The following FKBP5 variants were observed in gnomAD, a reference collection of about 807,000 sequenced individuals.
FKBP5 encodes the protein peptidyl-prolyl cis-trans isomerase FKBP5.
A neutral mutation model predicts 50.5 loss-of-function variants in FKBP5; 23 were observed. The observed-to-expected ratio is 0.46, with a 90% CI of 0.33 to 0.65. FKBP5 has a LOEUF of 0.65. Among genes scored for constraint, FKBP5 ranks in the 30% least tolerant of loss-of-function variants. The pLI is 0.02. For synonymous variants in FKBP5, 176 were observed against 190.6 expected (o/e 0.92, Z 0.63); for missense variants, 411 against 553.1 (o/e 0.74, Z 2.58).
rs185661038 is a variant in FKBP5, at chr6:35,650,036, T to C, written c.-19-7193A>G. On this transcript the variant is annotated intron_variant, in intron 1 of 10. Transcript: ENST00000357266. ...AAACAAAAACATCCAAACAACTAAA[T>C]TGGGAAACTATTTTGTAAATGTTCA... 5.3e-5 allele frequency among the ~76,000 whole-genome samples: 8 copies of C among 152,258 alleles called. No homozygotes were observed. In the East Asian group the frequency reaches 1.5e-3, roughly 29 times the overall value.
intron 3 of FKBP5, among the ~76,000 whole-genome samples, chr6:35,622,623 G>T (rs932933069): frequency 5.3e-5 from 8 of 152,116 alleles, no homozygotes; most frequent in Admixed American, 1.3e-4. Context: ...TAACTGTTAC[G>T]TTTCTTTGGT....
chr6:35,693,266 C>T (rs921309406), upstream of FKBP5, among the ~76,000 whole-genome samples: 2 of 146,966 alleles, frequency 1.4e-5, no homozygotes, highest in African/African-American at 5.0e-5. Context: ...AGGTTCACAC[C>T]ATTCTCCTGC....
chr6:35,580,963 TC>T (rs1762410674), intron 8 of FKBP5: 3 of 985,358 alleles, frequency 3.0e-6, no homozygotes, highest in Non-Finnish European at 3.6e-6. Flanking sequence ...AAGTGCTAGT[TC>T]CAAACACAGC....
intron 1 of FKBP5, among the ~76,000 whole-genome samples, chr6:35,650,264 G>A (rs1390831170): frequency 1.4e-5 from 2 of 143,086 alleles, no homozygotes; most frequent in African/African-American, 5.2e-5. Flanking sequence ...TTGCACCACT[G>A]CACTGCAGCC....
At chr6:35,596,801 CT>C (rs924573780) in intron 6 of FKBP5, among the ~76,000 whole-genome samples, 3 of 151,202 alleles carry the variant, frequency 2.0e-5, no homozygotes, top group African/African-American at 4.9e-5. Flanking sequence ...GAAGAATGTG[CT>C]TTTTTTTTCA....
intron 5 of FKBP5, among the ~76,000 whole-genome samples, chr6:35,601,022 A>G (rs1000646226): frequency 6.6e-6 from 1 of 152,258 alleles, no homozygotes; most frequent in Non-Finnish European, 1.5e-5. Context: ...TAAGAAAGCA[A>G]AACATTCATT....
intron 2 of FKBP5, among the ~76,000 whole-genome samples, chr6:35,707,570 CA>C (rs1165952460): frequency 6.6e-6 from 1 of 151,968 alleles, no homozygotes; most frequent in Non-Finnish European, 1.5e-5. Flanking sequence ...ATTTTAGGTT[CA>C]GGGGTACATG....
intron 2 of FKBP5, among the ~76,000 whole-genome samples, chr6:35,641,059 G>A (rs1764472388): frequency 6.6e-6 from 1 of 152,160 alleles, no homozygotes; most frequent in South Asian, 2.1e-4. Context: ...GTTCACTGCA[G>A]CTTGGAACTC....
intron 3 of FKBP5, among the ~76,000 whole-genome samples, chr6:35,629,801 C>CGGG (rs1764099797): frequency 6.6e-6 from 1 of 152,168 alleles, no homozygotes; most frequent in South Asian, 2.1e-4. Context: ...GGAAGCATTC[C>CGGG]TCCTCTATCG....
chr6:35,727,867 C>T (rs529646604), intron 1 of FKBP5, among the ~76,000 whole-genome samples: 114 of 152,310 alleles, frequency 7.5e-4, no homozygotes, highest in African/African-American at 2.3e-3. Context: ...CCAGGCGCCA[C>T]CCAAGCCTGG....
In FKBP5 at chr6:35,573,860, A is replaced by C. The variant is rs966077954; in HGVS notation, c.*1975T>G. The C allele has an allele frequency of 2.6e-5, 4 of 152,110 alleles. No homozygotes were observed. Among genetic ancestry groups the C allele is most frequent in the African/African-American group, 9.7e-5 (4 of 41,406 alleles). The allele number at this position is 152,110 out of a possible 1,614,324, so 9.4% of individuals were successfully genotyped here. On this transcript the variant is annotated 3_prime_UTR_variant, in exon 11 of 11. Transcript: ENST00000357266. ...CCACTCACACACCCTTCCCCTCCCC[A>C]CACACACTTTTGCCAGTTCCCCCTG...
intron 2 of FKBP5, among the ~76,000 whole-genome samples, chr6:35,705,213 AATATATATATATATATATATATATATAT>A: frequency 1.4e-5 from 1 of 71,384 alleles, no homozygotes; most frequent in Non-Finnish European, 2.6e-5. Context: ...TATATGTACA[AATATATATATATATATATATATATATAT>A]ATATATATAT....
intron 2 of FKBP5, among the ~76,000 whole-genome samples, chr6:35,709,458 A>C (rs1766378507): frequency 2.0e-5 from 3 of 152,244 alleles, no homozygotes; most frequent in African/African-American, 7.2e-5. Context: ...CTATGTTCGC[A>C]TATGGGCAAC....
intron 1 of FKBP5, among the ~76,000 whole-genome samples, chr6:35,683,012 G>A (rs978468395): frequency 6.6e-6 from 1 of 151,032 alleles, no homozygotes; most frequent in Admixed American, 6.6e-5. Context: ...GTATGTGTCT[G>A]TGTGTATATA....
upstream of FKBP5, among the ~76,000 whole-genome samples, chr6:35,691,892 G>A (rs550109803): frequency 8.8e-4 from 134 of 152,240 alleles, no homozygotes; most frequent in Middle Eastern, 3.4e-3. Context: ...ACACAGGGCC[G>A]TGTACTTAGA....
intron 3 of FKBP5, among the ~76,000 whole-genome samples, chr6:35,625,206 C>T (rs1180407240): frequency 6.6e-6 from 1 of 152,094 alleles, no homozygotes; most frequent in Non-Finnish European, 1.5e-5. Flanking sequence ...GCCTCAGACT[C>T]CCAAGTAGCT....
chr6:35,619,198 C>A lies in FKBP5; in HGVS notation c.406G>T (p.Asp136Tyr). ...TCAAATAAATCCTCTCCTTTGAAAT[C>A]AAGGAGCTCAATCTAGAAAGAAAAA... Reference protein sequence around the residue: ...ATLFFEIELLDFKGEDLFEDG... With the variant: ...ATLFFEIELLYFKGEDLFEDG... The change falls in exon 5 of 11, where the codon GAT becomes TAT. Residue 136 changes from aspartate (D) to tyrosine (Y), a missense_variant. By Grantham distance (160) the Asp-to-Tyr change is radical. This residue lies in a region of FKBP5 where 267 missense variants were observed against 405.9 expected (regional missense o/e 0.66). Coordinates refer to ENST00000357266, the MANE Select transcript of FKBP5 (RefSeq NM_004117.4). 6.2e-7 allele frequency: 1 copy of A among 1,609,624 alleles called. No homozygotes were observed.
At chr6:35,628,337 A>G (rs1483033780) in intron 3 of FKBP5, among the ~76,000 whole-genome samples, 1 of 152,190 alleles carries the variant, frequency 6.6e-6, no homozygotes, top group Non-Finnish European at 1.5e-5. Context: ...TGAACACACT[A>G]TAGGATGAAA....
intron 1 of FKBP5, among the ~76,000 whole-genome samples, chr6:35,664,432 A>G (rs1266065880): frequency 6.6e-6 from 1 of 152,206 alleles, no homozygotes; most frequent in Non-Finnish European, 1.5e-5. Context: ...AACATCTTTA[A>G]AATAATCATC....
Sources: gnomAD v4.1 joint callset for allele counts (sites outside exome capture counted in the v4.1 genomes callset) on GRCh38, gnomAD v4.1.1 for gene constraint, gnomAD v4.1.1 regional missense constraint, MANE v1.5 for transcripts, NCBI Gene and HGNC (gene_info 2026-07-23, HGNC 2026-07-21) for gene names.